Variants in LOC128092252 observed in about 807,000 individuals in gnomAD.
chr15:50,682,508 G>A, the LOC128092252 span, among the ~76,000 whole-genome samples: 8 of 151,528 alleles, frequency 5.3e-5, no homozygotes, highest in Admixed American at 3.3e-4. Context: ...TCCAGGAGGC[G>A]GAGGTTGCAG....
chr15:50,674,486 T>C, the LOC128092252 span, among the ~76,000 whole-genome samples: 1 of 152,180 alleles, frequency 6.6e-6, no homozygotes, highest in Admixed American at 6.6e-5. Context: ...TTTTGTACTA[T>C]GTATCCCTTA....
the LOC128092252 span, among the ~76,000 whole-genome samples, chr15:50,679,534 A>T: frequency 1.8e-3 from 101 of 57,608 alleles, 4 homozygotes; most frequent in African/African-American, 6.0e-3. Flanking sequence ...ATATATATAT[A>T]TATATTTTTT....
the LOC128092252 span, among the ~76,000 whole-genome samples, chr15:50,672,194 C>G: frequency 6.6e-6 from 1 of 152,124 alleles, no homozygotes; most frequent in Non-Finnish European, 1.5e-5. Flanking sequence ...GCTGGGACTA[C>G]AGGCAACCAC....
the LOC128092252 span, among the ~76,000 whole-genome samples, chr15:50,682,173 CAA>C: frequency 8.5e-4 from 54 of 63,670 alleles, 1 homozygote; most frequent in Admixed American, 1.4e-3. Flanking sequence ...AACTCAGTCT[CAA>C]AAAAAAAAAA....
chr15:50,677,623 C>T, the LOC128092252 span, among the ~76,000 whole-genome samples: 1 of 151,084 alleles, frequency 6.6e-6, no homozygotes, highest in African/African-American at 2.4e-5. Context: ...CCTGTAATCC[C>T]GGCTACTCAG....
At chr15:50,668,122 C>T in the LOC128092252 span, among the ~76,000 whole-genome samples, 2 of 152,100 alleles carry the variant, frequency 1.3e-5, no homozygotes, top group African/African-American at 4.8e-5. Context: ...TGATCCTCTT[C>T]GAAAGGTGGT....
At chr15:50,663,033 C>G in the LOC128092252 span, 45 of 1,613,252 alleles carry the variant, frequency 2.8e-5, no homozygotes, top group Non-Finnish European at 3.7e-5. Flanking sequence ...GCTTTCTATC[C>G]AGGATTTCTG....
the LOC128092252 span, chr15:50,663,062 T>A: frequency 7.5e-6 from 12 of 1,596,162 alleles, no homozygotes; most frequent in Non-Finnish European, 9.4e-6. Flanking sequence ...ACAAAATGTT[T>A]TAAAGAATTG....
At chr15:50,652,778 A>C in the LOC128092252 span, among the ~76,000 whole-genome samples, 3 of 152,160 alleles carry the variant, frequency 2.0e-5, no homozygotes, top group Non-Finnish European at 2.9e-5. Context: ...AGGTGGGAAG[A>C]CTGCTTGAGG....
At chr15:50,676,117 A>G in the LOC128092252 span, among the ~76,000 whole-genome samples, 1 of 152,200 alleles carries the variant, frequency 6.6e-6, no homozygotes, top group African/African-American at 2.4e-5. Flanking sequence ...TCCTTAAATT[A>G]TAAATTCTTA....
the LOC128092252 span, among the ~76,000 whole-genome samples, chr15:50,657,603 T>G: frequency 6.6e-6 from 1 of 152,154 alleles, no homozygotes; most frequent in Non-Finnish European, 1.5e-5. Context: ...TCTTCTTAGG[T>G]AGCTTCACCT....
the LOC128092252 span, among the ~76,000 whole-genome samples, chr15:50,684,292 A>T: frequency 2.6e-5 from 4 of 151,944 alleles, no homozygotes; most frequent in South Asian, 8.3e-4. Flanking sequence ...AGCTAGGATT[A>T]CCACGCCCGA....
At chr15:50,671,321 T>C in the LOC128092252 span, among the ~76,000 whole-genome samples, 2 of 152,168 alleles carry the variant, frequency 1.3e-5, no homozygotes, top group Non-Finnish European at 2.9e-5. Flanking sequence ...CTTGTCTTTC[T>C]GTTCCTGGCT....
chr15:50,680,887 T>C, the LOC128092252 span, among the ~76,000 whole-genome samples: 1 of 152,208 alleles, frequency 6.6e-6, no homozygotes, highest in African/African-American at 2.4e-5. Flanking sequence ...AAGTGATTTT[T>C]GATTCTCTGC....
the LOC128092252 span, among the ~76,000 whole-genome samples, chr15:50,677,738 C>CAAAAAAAAAA: frequency 7.9e-5 from 3 of 38,144 alleles, no homozygotes; most frequent in Non-Finnish European, 1.0e-4. Context: ...GACCCCGTAT[C>CAAAAAAAAAA]AAAAAAAAAA....
At chr15:50,663,408 G>A in the LOC128092252 span, among the ~76,000 whole-genome samples, 1 of 152,160 alleles carries the variant, frequency 6.6e-6, no homozygotes, top group African/African-American at 2.4e-5. Context: ...TTACAGGCGT[G>A]AGCCACCGTG....
At chr15:50,679,509 A>G in the LOC128092252 span, among the ~76,000 whole-genome samples, 5 of 50,462 alleles carry the variant, frequency 9.9e-5, no homozygotes, top group South Asian at 2.4e-3. Flanking sequence ...GTGTATATAT[A>G]TAATATATAT....
chr15:50,661,688 A>G, the LOC128092252 span, among the ~76,000 whole-genome samples: 31 of 152,342 alleles, frequency 2.0e-4, no homozygotes, highest in African/African-American at 7.0e-4. Context: ...CTATTTAGCT[A>G]TGTTTTTCTA....
the LOC128092252 span, among the ~76,000 whole-genome samples, chr15:50,682,835 T>G: frequency 6.6e-6 from 1 of 152,012 alleles, no homozygotes; most frequent in Non-Finnish European, 1.5e-5. Flanking sequence ...AAAATCCCCA[T>G]AGTCAAGTAA....
Sources: allele counts gnomAD v4.1 joint callset (sites outside exome capture counted in the v4.1 genomes callset), GRCh38; gene constraint gnomAD v4.1.1; transcripts MANE v1.5.